The following OLFM2 variants were observed in gnomAD, a reference collection of about 807,000 sequenced individuals.
The protein encoded by OLFM2 is olfactomedin 2.
In OLFM2, 20 loss-of-function variants were observed where a neutral mutation model predicts 43.9. The observed-to-expected ratio is 0.46, with a 90% CI of 0.32 to 0.66. The LOEUF (loss-of-function observed/expected upper bound fraction) is 0.66. OLFM2 is among the 30% of genes least tolerant of loss of function. OLFM2 has a pLI of 0.04. For missense variants in OLFM2, 416 were observed against 643.6 expected, an observed-to-expected ratio of 0.65 and a Z score of 3.83; for synonymous variants, 268 against 278.6, an observed-to-expected ratio of 0.96 and a Z score of 0.38.
intron 1 of OLFM2, among the ~76,000 whole-genome samples, chr19:9,875,672 T>TTG (rs1568372284): frequency 1.3e-5 from 1 of 75,970 alleles, no homozygotes; most frequent in South Asian, 3.9e-4. Context: ...TGTTGTTGTT[T>TTG]TTCTTTTGTT....
At position 9,916,938 on chromosome 19, in the gene OLFM2, T is replaced by C. The variant is rs142261974; in HGVS notation, c.63+19366A>G. Among the ~76,000 whole-genome samples, 318 of 152,254 alleles carry C rather than the reference T, an allele frequency of 2.1e-3. 1 individual carries two copies. The highest frequency in any genetic ancestry group is 7.1e-3 in the African/African-American group (296 of 41,554). ...ACTTCAGAGACACGGTATCACTTCC[T>C]AGTTCTGCACCCACCTCTCTGGCTG... On this transcript the variant is annotated intron_variant, in intron 1 of 5. Coordinates refer to ENST00000264833, the MANE Select transcript of OLFM2 (RefSeq NM_058164.4).
At chr19:9,880,662 A>G (rs1461733537) in intron 1 of OLFM2, among the ~76,000 whole-genome samples, 4 of 152,168 alleles carry the variant, frequency 2.6e-5, no homozygotes, top group African/African-American at 9.7e-5. Context: ...GGAAAAGACC[A>G]CGTGAAGATA....
chr19:9,890,918 CA>C (rs2046633330), intron 1 of OLFM2, among the ~76,000 whole-genome samples: 1 of 151,948 alleles, frequency 6.6e-6, no homozygotes, highest in South Asian at 2.1e-4. Flanking sequence ...CACACCACTG[CA>C]CTCCAGCCTG....
chr19:9,905,811 TACAGGCCTTGGCAGCCTGGC>T (rs1444759129), intron 1 of OLFM2, among the ~76,000 whole-genome samples: 4 of 152,052 alleles, frequency 2.6e-5, no homozygotes, highest in African/African-American at 9.7e-5. Flanking sequence ...TACCTGCAAG[TACAGGCCTTGGCAGCCTGGC>T]ACAGGCGCTA....
At chr19:9,891,312 C>CG (rs1460546107) in intron 1 of OLFM2, among the ~76,000 whole-genome samples, 2 of 69,698 alleles carry the variant, frequency 2.9e-5, no homozygotes, top group African/African-American at 3.8e-5. Context: ...GACTCCATCT[C>CG]GGAAAAAAAA....
At chr19:9,916,335 C>T (rs112496185) in intron 1 of OLFM2, among the ~76,000 whole-genome samples, 1,720 of 152,176 alleles carry the variant, frequency 0.011, 37 homozygotes, top group African/African-American at 0.038. Context: ...CCAGCCTGGG[C>T]GACAGACGAG....
intron 1 of OLFM2, among the ~76,000 whole-genome samples, chr19:9,882,057 G>A (rs748472378): frequency 1.3e-5 from 2 of 151,494 alleles, no homozygotes; most frequent in Non-Finnish European, 2.9e-5. Context: ...TGGGCAACAC[G>A]GCAAAACCTC....
intron 1 of OLFM2, among the ~76,000 whole-genome samples, chr19:9,906,010 G>T (rs1421572158): frequency 6.6e-6 from 1 of 152,152 alleles, no homozygotes; most frequent in Non-Finnish European, 1.5e-5. Flanking sequence ...ATGGCCATCA[G>T]ATTCCCCTTA....
chr19:9,930,547 C>A (rs2086476298), intron 1 of OLFM2, among the ~76,000 whole-genome samples: 1 of 151,994 alleles, frequency 6.6e-6, no homozygotes, highest in South Asian at 2.1e-4. Flanking sequence ...CAGAACAAGA[C>A]CCCGTCTTAG....
intron 1 of OLFM2, among the ~76,000 whole-genome samples, chr19:9,893,303 T>A (rs962539363): frequency 2.6e-5 from 4 of 152,164 alleles, no homozygotes; most frequent in Non-Finnish European, 5.9e-5. Flanking sequence ...TAGCTGGGAT[T>A]ACAGGCGCCT....
intron 1 of OLFM2, among the ~76,000 whole-genome samples, chr19:9,867,684 G>A (rs544653021): frequency 5.3e-5 from 8 of 152,228 alleles, no homozygotes; most frequent in South Asian, 2.1e-4. Context: ...ATATGAGAGC[G>A]GGGATTAGAT....
intron 1 of OLFM2, chr19:9,913,979 C>G (rs1482883145): frequency 6.7e-6 from 1 of 149,332 alleles, no homozygotes; most frequent in African/African-American, 2.4e-5. Context: ...GCCCGCCCCC[C>G]GCCGAGGACC....
At chr19:9,908,299 T>C (rs1337058678) in intron 1 of OLFM2, among the ~76,000 whole-genome samples, 2 of 151,580 alleles carry the variant, frequency 1.3e-5, no homozygotes, top group Non-Finnish European at 2.9e-5. Context: ...TAATTCTTTT[T>C]ATTTTTCCTC....
At chr19:9,875,018 A>G (rs2046473406) in intron 1 of OLFM2, among the ~76,000 whole-genome samples, 2 of 152,194 alleles carry the variant, frequency 1.3e-5, no homozygotes, top group Admixed American at 1.3e-4. Flanking sequence ...AAATGAACAA[A>G]TATTGAATGG....
chr19:9,917,309 G>C (rs1236178507), intron 1 of OLFM2, among the ~76,000 whole-genome samples: 1 of 152,116 alleles, frequency 6.6e-6, no homozygotes, highest in Non-Finnish European at 1.5e-5. Flanking sequence ...AAGTAGCTGG[G>C]ACTACAGATG....
At chr19:9,902,269 T>C (rs1309168116) in intron 1 of OLFM2, among the ~76,000 whole-genome samples, 2 of 151,984 alleles carry the variant, frequency 1.3e-5, no homozygotes, top group Non-Finnish European at 2.9e-5. Flanking sequence ...ACCTCGTGAT[T>C]CGCCCACCTC....
intron 1 of OLFM2, chr19:9,913,729 G>A: frequency 9.7e-7 from 1 of 1,031,026 alleles, no homozygotes; most frequent in Non-Finnish European, 1.2e-6. Flanking sequence ...TGGGGGAGGG[G>A]GCACGAGCGC....
At chr19:9,888,031 C>T (rs2046603429) in intron 1 of OLFM2, among the ~76,000 whole-genome samples, 1 of 152,008 alleles carries the variant, frequency 6.6e-6, no homozygotes, top group Non-Finnish European at 1.5e-5. Context: ...CACGTAACTC[C>T]TTCACAATCT....
chr19:9,936,256 T>C lies in OLFM2; in HGVS notation c.63+48A>G, dbSNP rs1470514103. The C allele has an allele frequency of 2.7e-6, 4 of 1,507,792 alleles. No homozygotes were observed. In the East Asian group the frequency reaches 1.0e-4, roughly 38 times the overall value. The allele number at this position is 1,507,792 out of a possible 1,614,324, so 93.4% of individuals were successfully genotyped here. On this transcript the variant is annotated intron_variant, in intron 1 of 5. Transcript: ENST00000264833. ...TCTCCGGGAACCCTCCGCGCCCCCC[T>C]CCTCTCCCGGAGCCACCCGCGCCCG...
Sources: gnomAD v4.1 joint callset for allele counts (sites outside exome capture counted in the v4.1 genomes callset) on GRCh38, gnomAD v4.1.1 for gene constraint, MANE v1.5 for transcripts, NCBI Gene and HGNC (gene_info 2026-07-23, HGNC 2026-07-21) for gene names.